Variants in RAPGEF2 observed in about 807,000 individuals in gnomAD.
The protein encoded by RAPGEF2 is Rap guanine nucleotide exchange factor 2.
In RAPGEF2, 54 loss-of-function variants were observed where a neutral mutation model predicts 186.7. That is an observed-to-expected ratio of 0.29 (90% confidence interval 0.23 to 0.36). The LOEUF is 0.36. Ranked by LOEUF, RAPGEF2 falls within the 10% of genes least tolerant of loss-of-function variation. The pLI, the probability that RAPGEF2 is intolerant of heterozygous loss-of-function variation, is 1.00. For synonymous variants in RAPGEF2, 712 were observed against 705.9 expected (o/e 1.01, Z -0.14); for missense variants, 1,532 against 2,045.0 (o/e 0.75, Z 4.84).
At chr4:159,183,983 C>T (rs143418389) in intron 1 of RAPGEF2, among the ~76,000 whole-genome samples, 4,271 of 152,182 alleles carry the variant, frequency 0.028, 196 homozygotes, top group African/African-American at 0.098. Flanking sequence ...TGAGTGAGAA[C>T]GTGTGGTGTT....
At chr4:159,263,662 C>G (rs562376521) in intron 7 of RAPGEF2, among the ~76,000 whole-genome samples, 1 of 152,144 alleles carries the variant, frequency 6.6e-6, no homozygotes, top group South Asian at 2.1e-4. Context: ...ACATTATTCT[C>G]TTGATTCCCT....
chr4:159,322,646 C>T (rs1327782800), intron 10 of RAPGEF2, among the ~76,000 whole-genome samples, 163 bp downstream of exon 10: 1 of 152,102 alleles, frequency 6.6e-6, no homozygotes, highest in Non-Finnish European at 1.5e-5. Flanking sequence ...CTGTATTAGT[C>T]CATTTTCACA....
chr4:159,243,895 G>A (rs1203306136), intron 7 of RAPGEF2, 104 bp downstream of exon 7: 11 of 890,868 alleles, frequency 1.2e-5, no homozygotes, highest in South Asian at 9.7e-5. Flanking sequence ...GCTTCGTCTT[G>A]TCCTTCTGTA....
intron 7 of RAPGEF2, among the ~76,000 whole-genome samples, chr4:159,300,282 G>A (rs7691182): frequency 0.025 from 3,821 of 151,628 alleles, 155 homozygotes; most frequent in African/African-American, 0.085. Context: ...TATTACCCTT[G>A]TTTCTTATAT....
intron 7 of RAPGEF2, among the ~76,000 whole-genome samples, chr4:159,271,369 A>G (rs141533209): frequency 6.6e-6 from 1 of 152,312 alleles, no homozygotes; most frequent in East Asian, 1.9e-4. Context: ...CCAAGTCATG[A>G]TTAAATAATA....
At chr4:159,228,656 C>T (rs1039639705) in intron 4 of RAPGEF2, among the ~76,000 whole-genome samples, 1 of 152,070 alleles carries the variant, frequency 6.6e-6, no homozygotes, top group African/African-American at 2.4e-5. Context: ...ATTCAGTTTT[C>T]CCAATACTTC....
intron 1 of RAPGEF2, among the ~76,000 whole-genome samples, chr4:159,138,320 G>A (rs1003060424): frequency 6.6e-6 from 1 of 152,248 alleles, no homozygotes; most frequent in Non-Finnish European, 1.5e-5. Flanking sequence ...TTGATAGAAA[G>A]TAGAAAAGTA....
Position 159,346,770 on chromosome 4 carries a change from A to G in RAPGEF2, c.3503-19A>G. Reference sequence around the variant, plus strand: ...ATCTAAAATTCTTTGTTCTATTTTCAAACCCAAACAATTATCAGTGCCTAA... The same window carrying G: ...ATCTAAAATTCTTTGTTCTATTTTCGAACCCAAACAATTATCAGTGCCTAA... On this transcript the variant is annotated intron_variant, in intron 24 of 29. Transcript: ENST00000691494. The G allele has an allele frequency of 1.2e-6, 2 of 1,605,796 alleles. No individual in the cohort carries two copies. Among genetic ancestry groups the G allele is most frequent in the Middle Eastern group, 3.3e-4 (2 of 6,040 alleles).
At chr4:159,138,676 G>A (rs1034097757) in intron 1 of RAPGEF2, among the ~76,000 whole-genome samples, 1 of 152,096 alleles carries the variant, frequency 6.6e-6, no homozygotes, top group Non-Finnish European at 1.5e-5. Flanking sequence ...TTAAAAAAAT[G>A]ATGTAGACAA....
At chr4:159,210,955 A>C (rs559691553) in intron 4 of RAPGEF2, among the ~76,000 whole-genome samples, 2 of 152,342 alleles carry the variant, frequency 1.3e-5, no homozygotes, top group East Asian at 3.9e-4. Context: ...AGGCAAAGAA[A>C]GTTCATTAAG....
intron 1 of RAPGEF2, among the ~76,000 whole-genome samples, chr4:159,176,496 A>T (rs954951460): frequency 2.0e-5 from 3 of 152,220 alleles, no homozygotes; most frequent in Non-Finnish European, 4.4e-5. Context: ...CTGCAAAAAA[A>T]TGTTAAAAAG....
chr4:159,188,671 AAAAAAAAGAAAAG>A (rs1210682264), intron 2 of RAPGEF2, among the ~76,000 whole-genome samples: 1 of 151,782 alleles, frequency 6.6e-6, no homozygotes, highest in Admixed American at 6.6e-5. Flanking sequence ...CTCAAAAAAA[AAAAAAAAGAAAAG>A]AAAAAAAAGA....
At chr4:159,267,976 T>G in intron 7 of RAPGEF2, 1 of 1,399,236 alleles carries the variant, frequency 7.1e-7, no homozygotes, top group Non-Finnish European at 9.3e-7. Context: ...CCTTTTCTGG[T>G]CTACAAGTGT....
rs559534643 is a variant in RAPGEF2 at position 159,191,696 on chromosome 4, G to A, written c.141-1504G>A. Among the ~76,000 whole-genome samples, 15 of 152,178 alleles carry A rather than the reference G, an allele frequency of 9.9e-5. No individual in the cohort carries two copies. In the South Asian group the frequency reaches 1.7e-3, roughly 17 times the overall value. On this transcript the variant is annotated intron_variant, in intron 2 of 29. Coordinates refer to ENST00000691494, the MANE Select transcript of RAPGEF2 (RefSeq NM_001394067.2). ...GGAGGTTGCAGTGAGCTGAGATCGCGCCATGGCACTCCAGCCTGGTGACAG... is the reference window on the plus strand; with the variant it reads ...GGAGGTTGCAGTGAGCTGAGATCGCACCATGGCACTCCAGCCTGGTGACAG...
intron 7 of RAPGEF2, among the ~76,000 whole-genome samples, chr4:159,300,562 AC>A (rs1388712370): frequency 7.2e-5 from 11 of 152,160 alleles, no homozygotes; most frequent in African/African-American, 1.9e-4. Flanking sequence ...AAAATGTGTT[AC>A]TTTTTCATTT....
At position 159,353,515 on chromosome 4, in the gene RAPGEF2, G is replaced by A. The variant is rs1731504449; in HGVS notation, c.4120G>A (p.Gly1374Ser). ...GSYAPMSEGR[G>S]LYATATVISS... is the part of the protein sequence containing the mutation. ...CTATGCACCAATGTCCGAGGGCCGA[G>A]GCTTATATGCTACAGCTACAGTAAT... is the stretch of plus-strand genomic sequence containing the variant. The change falls in exon 28 of 30, where the codon GGC becomes AGC. Residue 1374 changes from glycine (G) to serine (S), a missense_variant. Transcript: ENST00000691494. This position sits in a 1 kb window ranked among gnomAD's most constrained non-coding sequence, Gnocchi z 4.3. 2 of 1,513,452 alleles carry A rather than the reference G, an allele frequency of 1.3e-6. No individual in the cohort carries two copies. Among genetic ancestry groups the A allele is most frequent in the African/African-American group, 1.4e-5 (1 of 71,616 alleles). The allele number at this position is 1,513,452 out of a possible 1,614,324, so 93.8% of individuals were successfully genotyped here.
intron 6 of RAPGEF2, among the ~76,000 whole-genome samples, chr4:159,242,784 T>A (rs1304421026): frequency 6.6e-6 from 1 of 152,036 alleles, no homozygotes; most frequent in Non-Finnish European, 1.5e-5. Context: ...TTAAAAATAG[T>A]TATACATATT....
chr4:159,246,928 A>G (rs756188898), intron 7 of RAPGEF2, among the ~76,000 whole-genome samples: 1 of 152,158 alleles, frequency 6.6e-6, no homozygotes, highest in Non-Finnish European at 1.5e-5. Context: ...GTGATATCAC[A>G]CCTGGCTATA....
chr4:159,123,642 C>G (rs2111103970), intron 1 of RAPGEF2, among the ~76,000 whole-genome samples: 1 of 150,932 alleles, frequency 6.6e-6, no homozygotes, highest in South Asian at 2.1e-4. Flanking sequence ...CCTCAGCCTC[C>G]CGAGTAGCTG....
Sources: allele counts gnomAD v4.1 joint callset (sites outside exome capture counted in the v4.1 genomes callset), GRCh38; gene constraint gnomAD v4.1.1; non-coding constraint Gnocchi (gnomAD v3.1); transcripts MANE v1.5; gene names NCBI Gene and HGNC (gene_info 2026-07-23, HGNC 2026-07-21).